Variants in CLSTN1 observed in about 807,000 individuals in gnomAD.
CLSTN1 encodes calsyntenin-1.
CLSTN1 carries 28 observed loss-of-function variants against 108.3 expected under a neutral mutation model. The observed-to-expected ratio is 0.26, with a 90% confidence interval of 0.19 to 0.35. CLSTN1 has a LOEUF of 0.35. Among genes scored for constraint, CLSTN1 ranks in the 10% least tolerant of loss-of-function variants. The pLI, the probability that CLSTN1 is intolerant of heterozygous loss-of-function variation, is 1.00. For synonymous variants in CLSTN1, 524 were observed against 534.9 expected (o/e 0.98, Z 0.28); for missense variants, 1,157 against 1,302.6 (o/e 0.89, Z 1.72).
At chr1:9,792,836 G>A (rs1653827323) in intron 1 of CLSTN1, among the ~76,000 whole-genome samples, 1 of 151,224 alleles carries the variant, frequency 6.6e-6, no homozygotes, top group African/African-American at 2.4e-5. Context: ...GTACCCTCAG[G>A]AGCAGCTGTT....
intron 1 of CLSTN1, among the ~76,000 whole-genome samples, chr1:9,774,288 G>A (rs778025835): frequency 6.6e-5 from 10 of 152,172 alleles, no homozygotes; most frequent in African/African-American, 1.9e-4. Flanking sequence ...TAATCCATCC[G>A]GGCGTGGTGG....
chr1:9,802,541 A>T (rs1654320139), intron 1 of CLSTN1, among the ~76,000 whole-genome samples: 1 of 152,190 alleles, frequency 6.6e-6, no homozygotes, highest in Admixed American at 6.6e-5. Context: ...TTTATAATCT[A>T]CTTTCCTGAC....
chr1:9,760,253 C>G lies in CLSTN1; in HGVS notation c.215-3743G>C, dbSNP rs75247250. Among the ~76,000 whole-genome samples, 1,391 of 152,294 alleles carry G rather than the reference C, an allele frequency of 9.1e-3. 14 individuals carry two copies. The highest frequency in any genetic ancestry group is 0.043 in the East Asian group (221 of 5,184). ...CTTATTCAATTGCTAGTCAGGCTGGCTCCTTTACCTACAAGGACTTAAAAA... is the reference window on the plus strand; with the variant it reads ...CTTATTCAATTGCTAGTCAGGCTGGGTCCTTTACCTACAAGGACTTAAAAA... On this transcript the variant is annotated intron_variant, in intron 2 of 18. Coordinates refer to ENST00000377298, the MANE Select transcript of CLSTN1 (RefSeq NM_001009566.3).
intron 16 of CLSTN1, among the ~76,000 whole-genome samples, chr1:9,732,922 G>A (rs1570430927): frequency 6.6e-6 from 1 of 152,232 alleles, no homozygotes; most frequent in African/African-American, 2.4e-5. Flanking sequence ...TGGGCACAGT[G>A]GCTCACGCCT....
rs1448598670 is a variant in CLSTN1 at position 9,730,212 on chromosome 1, C to CG, written c.*295dup. On this transcript the variant is annotated 3_prime_UTR_variant, in exon 19 of 19. Coordinates refer to ENST00000377298, the MANE Select transcript of CLSTN1 (RefSeq NM_001009566.3). This position sits in a 1 kb window ranked among gnomAD's most constrained non-coding sequence, Gnocchi z 5.6. ...GTGCGAGGGGCCAGTGTCCTCTCCCCGGGGGGAGACTCCAGACACAAACGC... is the reference window on the plus strand; with the variant it reads ...GTGCGAGGGGCCAGTGTCCTCTCCCCGGGGGGGAGACTCCAGACACAAACGC... 3 of 495,492 alleles carry CG rather than the reference C, an allele frequency of 6.1e-6. No individual in the cohort carries two copies. Among genetic ancestry groups the CG allele is most frequent in the South Asian group, 5.0e-5 (2 of 40,248 alleles). The allele number at this position is 495,492 out of a possible 1,614,324, so 30.7% of individuals were successfully genotyped here.
intron 2 of CLSTN1, among the ~76,000 whole-genome samples, chr1:9,770,244 C>T (rs1053128919): frequency 6.6e-6 from 1 of 152,058 alleles, no homozygotes; most frequent in African/African-American, 2.4e-5. Flanking sequence ...CATATCACAA[C>T]ATATAATTTT....
At chr1:9,798,966 A>G (rs1654133876) in intron 1 of CLSTN1, among the ~76,000 whole-genome samples, 1 of 152,120 alleles carries the variant, frequency 6.6e-6, no homozygotes, top group Non-Finnish European at 1.5e-5. Flanking sequence ...GGATCACTTG[A>G]GCCCAGGAGT....
At position 9,729,554 on chromosome 1, in the gene CLSTN1, T is replaced by C. The variant is rs761669637; in HGVS notation, c.*954A>G. ...GGCCTCCTGCCGTCTCCAAAAGGAGTGGTCAGCCGGTCTGCAGGACACCTC... is the reference window on the plus strand; with the variant it reads ...GGCCTCCTGCCGTCTCCAAAAGGAGCGGTCAGCCGGTCTGCAGGACACCTC... On this transcript the variant is annotated 3_prime_UTR_variant, in exon 19 of 19. Coordinates refer to ENST00000377298, the MANE Select transcript of CLSTN1 (RefSeq NM_001009566.3). 1.3e-5 allele frequency: 2 copies of C among 152,286 alleles called. No individual in the cohort carries two copies. The allele number at this position is 152,286 out of a possible 1,614,324, so 9.4% of individuals were successfully genotyped here.
In CLSTN1 at chr1:9,749,473, G is replaced by A. The variant is rs1466726573; in HGVS notation, c.973C>T (p.His325Tyr). The A allele has an allele frequency of 3.1e-6, 5 of 1,611,406 alleles. No homozygotes were observed. The African/African-American group carries it at 6.7e-5, about 22-fold the overall frequency. ...DRDTYSEKSL[H>Y]RLCGAAAGTA... ...CTGGTCTCCTTACCACAGAGCCGGT[G>A]GAGGGACTTCTCTGAGTAGGTGTCT... The change falls in exon 7 of 19, where the codon CAC (histidine) becomes TAC (tyrosine). Residue 325 changes from histidine (H) to tyrosine (Y), a missense_variant. His to Tyr is a moderately conservative substitution (Grantham distance 83, BLOSUM62 2). Coordinates refer to ENST00000377298, the MANE Select transcript of CLSTN1 (RefSeq NM_001009566.3).
In CLSTN1 at chr1:9,730,937, A is replaced by G. The variant is rs10779729; in HGVS notation, c.2749-232T>C. Among the ~76,000 whole-genome samples the G allele has an allele frequency of 0.69, 104,800 of 152,000 alleles. 36,731 individuals carry two copies. The highest frequency in any genetic ancestry group is 0.82 in the African/African-American group (34,197 of 41,456). ...ACAAAGCAGCTTGGGACAGCACCTCAGCTGCCCCACCAGAGAACTCTCTCA... is the reference window on the plus strand; with the variant it reads ...ACAAAGCAGCTTGGGACAGCACCTCGGCTGCCCCACCAGAGAACTCTCTCA... On this transcript the variant is annotated intron_variant, in intron 18 of 18. Transcript: ENST00000377298. This position sits in a 1 kb window ranked among gnomAD's most constrained non-coding sequence, Gnocchi z 5.6.
At chr1:9,779,390 T>C (rs959611266) in intron 1 of CLSTN1, among the ~76,000 whole-genome samples, 5 of 151,866 alleles carry the variant, frequency 3.3e-5, no homozygotes, top group South Asian at 4.1e-4. Flanking sequence ...CTGGCCAACA[T>C]AGTGAAACTC....
chr1:9,737,523 A>G lies in CLSTN1; in HGVS notation c.1551T>C (p.Thr517=), dbSNP rs1381380654. The stretch of plus-strand genomic sequence containing the variant: ...CTGCAGAGGCCACAGTCACAGGCTC[A>G]GTTTCATTGTCATTTTCAACTCCTG... The part of the protein sequence containing the change: ...EFSGVENDNE[T]EPVTVASAGG... The change falls in exon 11 of 19, where the codon ACT becomes ACC. Residue 517 remains threonine, a synonymous_variant. Coordinates refer to ENST00000377298, the MANE Select transcript of CLSTN1 (RefSeq NM_001009566.3). 6.2e-7 allele frequency: 1 copy of G among 1,614,170 alleles called. No individual in the cohort carries two copies. Among genetic ancestry groups the G allele is most frequent in the African/African-American group, 1.3e-5 (1 of 75,062 alleles).
chr1:9,759,619 C>G (rs1651974056), intron 2 of CLSTN1, among the ~76,000 whole-genome samples: 1 of 152,228 alleles, frequency 6.6e-6, no homozygotes, highest in South Asian at 2.1e-4. Flanking sequence ...CACTGGAACA[C>G]AGACATGCTC....
intron 12 of CLSTN1, 82 bp downstream of exon 12, chr1:9,735,803 A>C: frequency 1.3e-6 from 2 of 1,550,084 alleles, no homozygotes; most frequent in Non-Finnish European, 1.8e-6. Flanking sequence ...ATCACAGATT[A>C]CTCACTCCCT....
At chr1:9,747,176 CAAAAAA>C (rs70998306) in intron 7 of CLSTN1, among the ~76,000 whole-genome samples, 2,349 of 32,602 alleles carry the variant, frequency 0.072, 49 homozygotes, top group African/African-American at 0.18. Context: ...GAGACTGTCT[CAAAAAA>C]AAAAAAAAAA....
At chr1:9,748,787 G>A (rs1651408873) in intron 7 of CLSTN1, among the ~76,000 whole-genome samples, 1 of 151,646 alleles carries the variant, frequency 6.6e-6, no homozygotes, top group Admixed American at 6.6e-5. Flanking sequence ...CCATGCCCTG[G>A]CCTTTGTCTT....
At chr1:9,772,232 G>A (rs940005045) in intron 2 of CLSTN1, among the ~76,000 whole-genome samples, 22 of 137,930 alleles carry the variant, frequency 1.6e-4, no homozygotes, top group African/African-American at 4.6e-4. Context: ...TGACCCGCCC[G>A]CCTCGGCCTC....
chr1:9,779,259 C>T (rs376568656), intron 1 of CLSTN1, among the ~76,000 whole-genome samples: 4 of 152,228 alleles, frequency 2.6e-5, no homozygotes, highest in African/African-American at 9.6e-5. Flanking sequence ...ACTCAACATC[C>T]TCTCCAGATT....
rs1650607593 is a variant in CLSTN1, at chr1:9,735,018, A to G, written c.2040T>C (p.Pro680=). The G allele has an allele frequency of 6.2e-7, 1 of 1,614,210 alleles. No individual in the cohort carries two copies. ...FESSEGVFLF[P]ELRIISTITR... ...TGATGGTGCTGATGATGCGAAGCTC[A>G]GGGAAAAGGAACACCCCTTCTGAGC... is the stretch of plus-strand genomic sequence containing the variant. Residue 680 remains proline (P), a synonymous_variant, in exon 14 of 19, where the codon CCT becomes CCC. Coordinates refer to ENST00000377298, the MANE Select transcript of CLSTN1 (RefSeq NM_001009566.3).
Sources: gnomAD v4.1 joint callset for allele counts (sites outside exome capture counted in the v4.1 genomes callset) on GRCh38, gnomAD v4.1.1 for gene constraint, Gnocchi (gnomAD v3.1) non-coding constraint, MANE v1.5 for transcripts, NCBI Gene and HGNC (gene_info 2026-07-23, HGNC 2026-07-21) for gene names.